The following ZNF385D variants were observed in gnomAD, a reference collection of about 807,000 sequenced individuals.
ZNF385D encodes zinc finger protein 385D.
A neutral mutation model predicts 35.8 loss-of-function variants in ZNF385D; 15 were observed. That is an observed-to-expected ratio of 0.42 (90% CI 0.28 to 0.64). ZNF385D has a LOEUF of 0.64. ZNF385D is among the 30% of genes least tolerant of loss of function. ZNF385D has a pLI of 0.23. For synonymous variants in ZNF385D, 212 were observed against 186.8 expected, an observed-to-expected ratio of 1.13 and a Z score of -1.10; for missense variants, 474 against 494.6, an observed-to-expected ratio of 0.96 and a Z score of 0.39.
At chr3:22,119,607 G>A (rs1208621114) in intron 3 of ZNF385D, among the ~76,000 whole-genome samples, 1 of 152,088 alleles carries the variant, frequency 6.6e-6, no homozygotes, top group African/African-American at 2.4e-5. Flanking sequence ...AATAGGTTTT[G>A]ATCATTTGCT....
chr3:21,992,039 A>G (rs552527244), intron 3 of ZNF385D, among the ~76,000 whole-genome samples: 13 of 152,328 alleles, frequency 8.5e-5, no homozygotes, highest in South Asian at 2.1e-4. Context: ...CTGGAATGAG[A>G]ATAACAGTCC....
At chr3:22,016,692 G>A (rs186230423) in intron 3 of ZNF385D, among the ~76,000 whole-genome samples, 89 of 151,986 alleles carry the variant, frequency 5.9e-4, no homozygotes, top group Non-Finnish European at 1.0e-3. Context: ...GAGTAGCCCC[G>A]GAGAGTCATC....
chr3:21,451,420 A>G (rs1382854006), intron 4 of ZNF385D, among the ~76,000 whole-genome samples: 2 of 152,100 alleles, frequency 1.3e-5, no homozygotes, highest in African/African-American at 4.8e-5. Context: ...ATTACGCATC[A>G]CTCAAAATGA....
intron 1 of ZNF385D, among the ~76,000 whole-genome samples, chr3:21,714,635 T>C (rs2068242157): frequency 6.6e-6 from 1 of 152,184 alleles, no homozygotes; most frequent in East Asian, 1.9e-4. Flanking sequence ...CTGTGTCCTA[T>C]TAATTTTCCA....
At chr3:21,817,160 T>G (rs953440450) in intron 3 of ZNF385D, among the ~76,000 whole-genome samples, 3 of 152,204 alleles carry the variant, frequency 2.0e-5, no homozygotes, top group Admixed American at 6.5e-5. Context: ...GATCCCTTCT[T>G]GACACCTTAT....
intron 3 of ZNF385D, among the ~76,000 whole-genome samples, chr3:21,954,653 T>C (rs1702208412): frequency 6.6e-6 from 1 of 152,150 alleles, no homozygotes; most frequent in Non-Finnish European, 1.5e-5. Flanking sequence ...ACATGATTCA[T>C]TAATATATAT....
chr3:21,989,888 TTC>T (rs1695053229), intron 3 of ZNF385D, among the ~76,000 whole-genome samples: 1 of 152,334 alleles, frequency 6.6e-6, no homozygotes, highest in East Asian at 1.9e-4. Context: ...GAGAATTTCT[TTC>T]TGTTTCTAAT....
intron 2 of ZNF385D, among the ~76,000 whole-genome samples, chr3:22,359,584 T>A (rs1022822480): frequency 3.3e-5 from 5 of 151,868 alleles, no homozygotes; most frequent in African/African-American, 1.2e-4. Context: ...TAACTCATTG[T>A]GTGTCAAGAT....
intron 3 of ZNF385D, among the ~76,000 whole-genome samples, chr3:21,842,403 A>G (rs930596554): frequency 6.6e-6 from 1 of 152,018 alleles, no homozygotes; most frequent in African/African-American, 2.4e-5. Context: ...CCTATTGCCT[A>G]TGTGAATTTC....
chr3:21,433,043 A>C (rs1244197633), intron 5 of ZNF385D, among the ~76,000 whole-genome samples: 5 of 152,102 alleles, frequency 3.3e-5, no homozygotes, highest in African/African-American at 9.7e-5. Context: ...AGAGAAAGAG[A>C]AAGAGAGATA....
At chr3:21,720,136 T>C (rs571607709) in intron 1 of ZNF385D, among the ~76,000 whole-genome samples, 73 of 152,272 alleles carry the variant, frequency 4.8e-4, no homozygotes, top group Non-Finnish European at 6.0e-4. Flanking sequence ...GGCCTGGGCA[T>C]TGGAATTTCA....
At chr3:21,550,790 T>G (rs1340629010) in intron 3 of ZNF385D, among the ~76,000 whole-genome samples, 1 of 152,158 alleles carries the variant, frequency 6.6e-6, no homozygotes, top group African/African-American at 2.4e-5. Context: ...TGATCTCTAT[T>G]TTATAATACC....
intron 2 of ZNF385D, among the ~76,000 whole-genome samples, chr3:21,571,888 A>G (rs1350952104): frequency 2.0e-5 from 3 of 152,154 alleles, no homozygotes; most frequent in Admixed American, 1.3e-4. Context: ...TCTTCTCCCC[A>G]TGGAATCGTG....
chr3:21,438,043 T>G (rs1701660134), intron 4 of ZNF385D, among the ~76,000 whole-genome samples: 1 of 152,144 alleles, frequency 6.6e-6, no homozygotes, highest in South Asian at 2.1e-4. Context: ...CTTCTGGCTC[T>G]AAAGTCTGAT....
intron 3 of ZNF385D, among the ~76,000 whole-genome samples, chr3:21,520,954 T>A (rs1707867284): frequency 6.6e-6 from 1 of 152,196 alleles, no homozygotes; most frequent in South Asian, 2.1e-4. Context: ...CATAGTCACA[T>A]AACACATACT....
At chr3:21,510,499 A>G (rs1707120260) in intron 4 of ZNF385D, among the ~76,000 whole-genome samples, 1 of 152,168 alleles carries the variant, frequency 6.6e-6, no homozygotes, top group African/African-American at 2.4e-5. Flanking sequence ...TCACAATTAA[A>G]TTAAATCTGC....
At chr3:21,567,547 A>C (rs1029807196) in intron 2 of ZNF385D, among the ~76,000 whole-genome samples, 4 of 152,084 alleles carry the variant, frequency 2.6e-5, no homozygotes, top group Non-Finnish European at 5.9e-5. Flanking sequence ...CTGAAGGGTA[A>C]TTTTCCCTTC....
chr3:21,496,171 C>T (rs749817764), intron 4 of ZNF385D, among the ~76,000 whole-genome samples: 30 of 151,294 alleles, frequency 2.0e-4, no homozygotes, highest in Non-Finnish European at 2.7e-4. Flanking sequence ...AAACTTGAGG[C>T]GGAGGCACTT....
rs897250582 is a variant in ZNF385D at position 21,853,189 on chromosome 3, G to C, written c.326-188161C>G. Among the ~76,000 whole-genome samples, 24 of 151,900 alleles carry C rather than the reference G, an allele frequency of 1.6e-4. No individual in the cohort carries two copies. In the East Asian group the frequency reaches 3.9e-3, roughly 25 times the overall value. On this transcript the variant is annotated intron_variant, in intron 3 of 5. Coordinates refer to the ZNF385D transcript ENST00000494108. Reference sequence around the variant, plus strand: ...TATACATTAAAATCAAGTGTGATTGGTGTTATATATTCTTACCTACTTAAG... The same window carrying C: ...TATACATTAAAATCAAGTGTGATTGCTGTTATATATTCTTACCTACTTAAG...
Sources: allele counts gnomAD v4.1 joint callset (sites outside exome capture counted in the v4.1 genomes callset), GRCh38; gene constraint gnomAD v4.1.1; transcripts MANE v1.5; gene names NCBI Gene and HGNC (gene_info 2026-07-23, HGNC 2026-07-21).